The following FAM107B variants were observed in gnomAD, a reference collection of about 807,000 sequenced individuals.
FAM107B encodes the protein family with sequence similarity 107 member B.
In FAM107B, 21 loss-of-function variants were observed where a neutral mutation model predicts 31.5. The ratio of observed to expected loss-of-function variants is 0.67; its 90% confidence interval spans 0.47 to 0.96. The LOEUF is 0.96. Among genes scored for constraint, FAM107B ranks in the 40% least tolerant of loss-of-function variants. FAM107B has a pLI of 0.00. For synonymous variants in FAM107B, 157 were observed against 141.5 expected (o/e 1.11, Z -0.78); for missense variants, 452 against 377.1 (o/e 1.20, Z -1.64).
At chr10:14,527,423 A>G (rs10752338) in intron 3 of FAM107B, among the ~76,000 whole-genome samples, 125,915 of 152,208 alleles carry the variant, frequency 0.83, 52,434 homozygotes, top group Middle Eastern at 0.89. Flanking sequence ...TCTTGTTCTC[A>G]GCCTGTAACA....
intron 1 of FAM107B, among the ~76,000 whole-genome samples, chr10:14,696,713 C>T (rs911000541): frequency 5.9e-5 from 9 of 152,208 alleles, no homozygotes; most frequent in Admixed American, 2.0e-4. Flanking sequence ...CATCGATCTC[C>T]GTCCCTTGTT....
Position 14,698,277 on chromosome 10 carries a change from C to T in FAM107B, c.412-30586G>A, listed in dbSNP as rs571000220. ...TTGCTAGAAGAGAGGTCTAAATCTACTGAGGTCCATTCCTGTGTCTTTCTA... is the reference window on the plus strand; with the variant it reads ...TTGCTAGAAGAGAGGTCTAAATCTATTGAGGTCCATTCCTGTGTCTTTCTA... On this transcript the variant is annotated intron_variant, in intron 1 of 4. Transcript: ENST00000181796. 5.3e-5 allele frequency among the ~76,000 whole-genome samples: 8 copies of T among 152,328 alleles called. No homozygotes were observed. In the East Asian group the frequency reaches 7.7e-4, roughly 15 times the overall value.
chr10:14,685,283 G>C (rs370293073), intron 1 of FAM107B, among the ~76,000 whole-genome samples: 1 of 151,648 alleles, frequency 6.6e-6, no homozygotes, highest in East Asian at 1.9e-4. Context: ...TGAGTAGCTA[G>C]GACTACAGGT....
intron 1 of FAM107B, among the ~76,000 whole-genome samples, chr10:14,750,271 C>T (rs886760553): frequency 2.0e-5 from 3 of 152,190 alleles, no homozygotes; most frequent in African/African-American, 7.2e-5. Flanking sequence ...GGAGCCACAT[C>T]GTAACGGAAA....
chr10:14,719,955 C>CTTTACCATGGACTTTAGGCTGT (rs1855872637), intron 1 of FAM107B, among the ~76,000 whole-genome samples: 1 of 141,364 alleles, frequency 7.1e-6, no homozygotes, highest in Admixed American at 7.2e-5. Flanking sequence ...GGCTCTTTTC[C>CTTTACCATGGACTTTAGGCTGT]TCACTGGGCC....
chr10:14,591,329 T>C (rs1013219833), intron 2 of FAM107B, among the ~76,000 whole-genome samples: 1 of 152,164 alleles, frequency 6.6e-6, no homozygotes, highest in African/African-American at 2.4e-5. Context: ...ACTCAAGACT[T>C]AAATAACAAA....
chr10:14,548,655 G>A (rs928005187), intron 2 of FAM107B: 2 of 985,398 alleles, frequency 2.0e-6, no homozygotes, highest in Non-Finnish European at 2.4e-6. Context: ...GGCACTCCCA[G>A]AAGCCCCCGG....
At chr10:14,635,586 G>C (rs1046061553) in intron 2 of FAM107B, among the ~76,000 whole-genome samples, 16 of 152,052 alleles carry the variant, frequency 1.1e-4, no homozygotes, top group Non-Finnish European at 2.2e-4. Flanking sequence ...CTGCTCTAAG[G>C]AGAGGTTTCA....
intron 1 of FAM107B, among the ~76,000 whole-genome samples, chr10:14,748,398 G>A (rs956788723): frequency 7.2e-5 from 11 of 152,194 alleles, no homozygotes; most frequent in Non-Finnish European, 8.8e-5. Flanking sequence ...CTCGCTTTGA[G>A]TTTCAGGAGG....
chr10:14,575,306 C>T (rs35607195), intron 2 of FAM107B, among the ~76,000 whole-genome samples: 24,034 of 151,898 alleles, frequency 0.16, 2,306 homozygotes, highest in Middle Eastern at 0.28. Flanking sequence ...CAGGTTCAAG[C>T]GATTCTCCTG....
At chr10:14,640,445 C>T (rs1853600339) in intron 2 of FAM107B, among the ~76,000 whole-genome samples, 1 of 152,196 alleles carries the variant, frequency 6.6e-6, no homozygotes, top group African/African-American at 2.4e-5. Context: ...TTTGGATCCA[C>T]ATCTCTCAAG....
chr10:14,589,812 A>C (rs994555761), intron 2 of FAM107B, among the ~76,000 whole-genome samples: 4 of 152,208 alleles, frequency 2.6e-5, no homozygotes, highest in African/African-American at 9.6e-5. Context: ...AACATAAAGC[A>C]AAATTTAAAA....
intron 2 of FAM107B, among the ~76,000 whole-genome samples, chr10:14,656,549 C>T (rs1316163913): frequency 6.6e-6 from 1 of 152,146 alleles, no homozygotes; most frequent in Non-Finnish European, 1.5e-5. Context: ...AATACAAGTT[C>T]TTCTTTTTAT....
chr10:14,564,189 A>G (rs761392532), intron 2 of FAM107B, among the ~76,000 whole-genome samples: 8 of 152,178 alleles, frequency 5.3e-5, no homozygotes, highest in Non-Finnish European at 1.2e-4. Context: ...AAAGATTGAG[A>G]CCCAGCAGGT....
intron 1 of FAM107B, among the ~76,000 whole-genome samples, chr10:14,699,564 GCAAT>G (rs1855347586): frequency 6.6e-6 from 1 of 152,190 alleles, no homozygotes; most frequent in South Asian, 2.1e-4. Context: ...TATCAAGCCC[GCAAT>G]GAATCGGAGG....
chr10:14,725,462 C>T (rs1409766199), intron 1 of FAM107B, among the ~76,000 whole-genome samples: 2 of 152,302 alleles, frequency 1.3e-5, no homozygotes, highest in African/African-American at 4.8e-5. Flanking sequence ...GTGGCTAAAA[C>T]AACAAACTTA....
At chr10:14,691,580 A>C (rs1426474874) in intron 1 of FAM107B, among the ~76,000 whole-genome samples, 3 of 152,120 alleles carry the variant, frequency 2.0e-5, no homozygotes, top group Non-Finnish European at 4.4e-5. Flanking sequence ...CCTTCAACAG[A>C]AGGGAAAACT....
chr10:14,634,568 C>A (rs1564609116), intron 2 of FAM107B, among the ~76,000 whole-genome samples: 1 of 151,688 alleles, frequency 6.6e-6, no homozygotes. Flanking sequence ...TTAACTCTCC[C>A]ACAGAAAACA....
intron 1 of FAM107B, among the ~76,000 whole-genome samples, chr10:14,673,637 C>T (rs1854611161): frequency 6.6e-6 from 1 of 152,134 alleles, no homozygotes; most frequent in Non-Finnish European, 1.5e-5. Flanking sequence ...ATCTCCTTCC[C>T]TTTGGATGCA....
Sources: allele counts gnomAD v4.1 joint callset (sites outside exome capture counted in the v4.1 genomes callset), GRCh38; gene constraint gnomAD v4.1.1; transcripts MANE v1.5; gene names NCBI Gene and HGNC (gene_info 2026-07-23, HGNC 2026-07-21).